The following LUZP2 variants were observed in gnomAD, a reference collection of about 807,000 sequenced individuals.
The protein encoded by LUZP2 is leucine zipper protein 2.
In LUZP2, 52 loss-of-function variants were observed where a neutral mutation model predicts 51.6. The observed-to-expected ratio is 1.01, with a 90% CI of 0.81 to 1.27. LUZP2 has a LOEUF of 1.27. LUZP2 is among the 50% of genes most tolerant of loss of function. The pLI, the probability that LUZP2 is intolerant of heterozygous loss-of-function variation, is 0.00. For synonymous variants in LUZP2, 154 were observed against 137.3 expected, an observed-to-expected ratio of 1.12 and a Z score of -0.85; for missense variants, 436 against 395.4, an observed-to-expected ratio of 1.10 and a Z score of -0.87.
chr11:24,895,143 T>C (rs947138545), intron 5 of LUZP2, among the ~76,000 whole-genome samples: 1 of 152,140 alleles, frequency 6.6e-6, no homozygotes, highest in Non-Finnish European at 1.5e-5. Context: ...GGCATAAGAT[T>C]CTCACCATAT....
intron 4 of LUZP2, among the ~76,000 whole-genome samples, chr11:24,739,902 C>T (rs188080504): frequency 3.3e-5 from 5 of 152,210 alleles, no homozygotes; most frequent in Admixed American, 3.3e-4. Context: ...CACTGCTCAC[C>T]TGAAATGTGG....
At chr11:24,625,969 T>C (rs1854666270) in intron 1 of LUZP2, among the ~76,000 whole-genome samples, 1 of 152,160 alleles carries the variant, frequency 6.6e-6, no homozygotes, top group African/African-American at 2.4e-5. Context: ...AGTAGGAACA[T>C]AAATAGTTAC....
intron 1 of LUZP2, among the ~76,000 whole-genome samples, chr11:24,676,518 A>G (rs1856556353): frequency 6.6e-6 from 1 of 152,222 alleles, no homozygotes. Flanking sequence ...GAAAAGTGAG[A>G]AAAAAGTGAA....
chr11:24,673,076 T>C (rs1260709697), intron 1 of LUZP2, among the ~76,000 whole-genome samples: 3 of 152,066 alleles, frequency 2.0e-5, no homozygotes, highest in Non-Finnish European at 2.9e-5. Flanking sequence ...ACCAAAACCA[T>C]CCTCCCAACA....
intron 1 of LUZP2, among the ~76,000 whole-genome samples, chr11:24,620,502 G>T (rs569252337): frequency 6.6e-6 from 1 of 152,148 alleles, no homozygotes; most frequent in African/African-American, 2.4e-5. Flanking sequence ...AAGATAATTA[G>T]TAAGTTATTA....
chr11:24,615,434 A>G (rs1183083807), intron 1 of LUZP2, among the ~76,000 whole-genome samples: 2 of 151,978 alleles, frequency 1.3e-5, no homozygotes, highest in African/African-American at 4.8e-5. Flanking sequence ...TTGACCTTTT[A>G]TTTTATCCAG....
At chr11:24,872,811 T>C (rs1852123089) in intron 5 of LUZP2, among the ~76,000 whole-genome samples, 1 of 152,034 alleles carries the variant, frequency 6.6e-6, no homozygotes, top group Admixed American at 6.6e-5. Context: ...AGCAACAGAG[T>C]CAAGAAGCAT....
At chr11:24,747,903 C>T (rs889133226) in intron 4 of LUZP2, among the ~76,000 whole-genome samples, 4 of 152,066 alleles carry the variant, frequency 2.6e-5, no homozygotes, top group Non-Finnish European at 5.9e-5. Context: ...TCACTCCCAC[C>T]GTGTCCCCTC....
At chr11:24,947,263 T>A (rs989081045) in intron 7 of LUZP2, among the ~76,000 whole-genome samples, 1 of 151,950 alleles carries the variant, frequency 6.6e-6, no homozygotes, top group Non-Finnish European at 1.5e-5. Context: ...TAAGTGGAAG[T>A]GGATCATCAC....
intron 5 of LUZP2, among the ~76,000 whole-genome samples, chr11:24,813,779 GC>G (rs1426255908): frequency 6.6e-6 from 1 of 152,232 alleles, no homozygotes; most frequent in Non-Finnish European, 1.5e-5. Flanking sequence ...TGCACCTCTA[GC>G]TTTTGAATGT....
intron 5 of LUZP2, among the ~76,000 whole-genome samples, chr11:24,844,054 G>A (rs1320886182): frequency 6.6e-6 from 1 of 152,160 alleles, no homozygotes; most frequent in Non-Finnish European, 1.5e-5. Flanking sequence ...AAGATACCCA[G>A]AGATGTGGAA....
rs143517041 is a variant in LUZP2 at position 24,821,873 on chromosome 11, T to TTATATA, written c.396+58577_396+58582dup. The stretch of plus-strand genomic sequence containing the variant: ...CAATGACATTATATGCCAGAAATAT[T>TTATATA]TATATATATATATATATTTAAAAGC... On this transcript the variant is annotated intron_variant, in intron 5 of 11. Coordinates refer to ENST00000336930, the MANE Select transcript of LUZP2 (RefSeq NM_001009909.4). Among the ~76,000 whole-genome samples, 49 of 148,200 alleles carry TTATATA rather than the reference T, an allele frequency of 3.3e-4. 1 individual carries two copies. Among genetic ancestry groups the TTATATA allele is most frequent in the East Asian group, 9.8e-4 (5 of 5,082 alleles).
chr11:24,571,302 G>T (rs911790830), intron 1 of LUZP2, among the ~76,000 whole-genome samples: 1 of 77,256 alleles, frequency 1.3e-5, no homozygotes, highest in South Asian at 3.5e-4. Context: ...GTTGCTAAAA[G>T]CAAATTAGAA....
intron 5 of LUZP2, among the ~76,000 whole-genome samples, chr11:24,765,366 T>A (rs1421412657): frequency 7.9e-5 from 12 of 152,126 alleles, no homozygotes; most frequent in African/African-American, 2.9e-4. Flanking sequence ...AAGTTTGAAA[T>A]CCACTAAGTG....
At chr11:24,770,828 A>C (rs79091850) in intron 5 of LUZP2, among the ~76,000 whole-genome samples, 12,193 of 152,184 alleles carry the variant, frequency 0.08, 1,046 homozygotes, top group African/African-American at 0.22. Flanking sequence ...AATACAGCTT[A>C]TAGGTTGTAC....
intron 1 of LUZP2, among the ~76,000 whole-genome samples, chr11:24,661,227 G>A (rs1388339148): frequency 3.9e-5 from 6 of 151,934 alleles, no homozygotes; most frequent in African/African-American, 1.5e-4. Context: ...TTCTTCAGAA[G>A]TGTTCTTTTC....
At chr11:24,748,547 C>T (rs1190124422) in intron 4 of LUZP2, among the ~76,000 whole-genome samples, 1 of 151,932 alleles carries the variant, frequency 6.6e-6, no homozygotes, top group Non-Finnish European at 1.5e-5. Context: ...GCAACCTCCA[C>T]CACCCAGGTT....
intron 1 of LUZP2, among the ~76,000 whole-genome samples, chr11:24,521,324 C>G (rs1277386912): frequency 8.1e-6 from 1 of 122,878 alleles, no homozygotes; most frequent in Non-Finnish European, 1.6e-5. Context: ...GCACTTCAGC[C>G]TGTGTGACAG....
At chr11:24,754,490 T>C (rs1859701636) in intron 4 of LUZP2, among the ~76,000 whole-genome samples, 1 of 152,182 alleles carries the variant, frequency 6.6e-6, no homozygotes, top group Non-Finnish European at 1.5e-5. Flanking sequence ...TGTCTCTGTT[T>C]TGTATCAACA....
Sources: gnomAD v4.1 joint callset for allele counts (sites outside exome capture counted in the v4.1 genomes callset) on GRCh38, gnomAD v4.1.1 for gene constraint, MANE v1.5 for transcripts, NCBI Gene and HGNC (gene_info 2026-07-23, HGNC 2026-07-21) for gene names.